Variants in SPAG16 observed in about 807,000 individuals in gnomAD.
SPAG16 encodes sperm-associated antigen 16 protein.
In SPAG16, 86 loss-of-function variants were observed where a neutral mutation model predicts 80.4. The observed-to-expected ratio is 1.07, with a 90% CI of 0.90 to 1.28. SPAG16 has a LOEUF of 1.28. SPAG16 is among the 50% of genes most tolerant of loss of function. The pLI, the probability that SPAG16 is intolerant of heterozygous loss-of-function variation, is 0.00. For synonymous variants in SPAG16, 294 were observed against 265.9 expected (o/e 1.11, Z -1.03); for missense variants, 870 against 765.3 (o/e 1.14, Z -1.61).
chr2:214,279,336 C>A (rs777725008), intron 15 of SPAG16, among the ~76,000 whole-genome samples: 11 of 152,100 alleles, frequency 7.2e-5, no homozygotes, highest in Non-Finnish European at 1.3e-4. Context: ...ACCTTGTGAT[C>A]CGCCCTCCTC....
chr2:214,281,880 T>C (rs1203983757), intron 15 of SPAG16, among the ~76,000 whole-genome samples: 1 of 152,204 alleles, frequency 6.6e-6, no homozygotes, highest in Non-Finnish European at 1.5e-5. Flanking sequence ...GAAATAATGA[T>C]ACTGAGTTTT....
At chr2:213,994,680 T>C (rs2046434681) in intron 12 of SPAG16, among the ~76,000 whole-genome samples, 1 of 152,012 alleles carries the variant, frequency 6.6e-6, no homozygotes. Flanking sequence ...TACATATTCA[T>C]GACTGCTTTG....
chr2:214,126,037 TC>T (rs2054471717), intron 14 of SPAG16, among the ~76,000 whole-genome samples: 1 of 48,454 alleles, frequency 2.1e-5, no homozygotes, highest in African/African-American at 8.9e-5. Flanking sequence ...CTTCCTTCCT[TC>T]CTTCCTTCCT....
intron 15 of SPAG16, among the ~76,000 whole-genome samples, chr2:214,155,217 C>T (rs549617568): frequency 3.3e-5 from 5 of 151,938 alleles, no homozygotes; most frequent in Non-Finnish European, 7.4e-5. Context: ...AGCCTGAGGC[C>T]AGAAAAAAAT....
At chr2:214,368,249 T>G (rs144456753) in intron 15 of SPAG16, among the ~76,000 whole-genome samples, 1 of 152,220 alleles carries the variant, frequency 6.6e-6, no homozygotes, top group East Asian at 1.9e-4. Flanking sequence ...CATGTTCTTC[T>G]TTACTCACAC....
At chr2:214,263,837 T>C (rs983451695) in intron 15 of SPAG16, among the ~76,000 whole-genome samples, 2 of 152,226 alleles carry the variant, frequency 1.3e-5, no homozygotes, top group African/African-American at 4.8e-5. Context: ...TATTTGTGTA[T>C]ACATCTTCCA....
intron 12 of SPAG16, among the ~76,000 whole-genome samples, chr2:213,978,685 G>A (rs887108006): frequency 1.3e-5 from 2 of 152,118 alleles, no homozygotes; most frequent in African/African-American, 4.8e-5. Flanking sequence ...GCTGAGCTAG[G>A]TGCTGCTGGC....
intron 10 of SPAG16, among the ~76,000 whole-genome samples, chr2:213,655,987 A>G (rs2063207664): frequency 6.6e-6 from 1 of 152,170 alleles, no homozygotes; most frequent in Admixed American, 6.5e-5. Flanking sequence ...TTTGAAACTA[A>G]ATGTAGTTAC....
chr2:214,216,172 A>T (rs187891540), intron 15 of SPAG16, among the ~76,000 whole-genome samples: 2 of 152,346 alleles, frequency 1.3e-5, no homozygotes, highest in Admixed American at 6.5e-5. Flanking sequence ...ATTGAAAATT[A>T]TGAGCATTGG....
At position 213,520,449 on chromosome 2, in the gene SPAG16, CT is replaced by C. The variant is rs1270314912; in HGVS notation, c.1070+30360del. ...AAAATACAAAAAAAAAAAAAATTCG[CT>C]GGGCGTGGTGGTGGGCACCTGTAGT... On this transcript the variant is annotated intron_variant, in intron 10 of 15. Coordinates refer to ENST00000331683, the MANE Select transcript of SPAG16 (RefSeq NM_024532.5). Among the ~76,000 whole-genome samples, 12 of 151,584 alleles carry C rather than the reference CT, an allele frequency of 7.9e-5. 1 individual carries two copies. Among genetic ancestry groups the C allele is most frequent in the Middle Eastern group, 6.3e-3 (2 of 316 alleles).
At chr2:214,186,021 C>T (rs2057458366) in intron 15 of SPAG16, among the ~76,000 whole-genome samples, 1 of 128,708 alleles carries the variant, frequency 7.8e-6, no homozygotes, top group Non-Finnish European at 1.6e-5. Context: ...TCATAAATAC[C>T]CAGCACTGTA....
chr2:213,529,082 A>T (rs1006110727), intron 10 of SPAG16, among the ~76,000 whole-genome samples: 4 of 152,144 alleles, frequency 2.6e-5, no homozygotes, highest in African/African-American at 9.7e-5. Context: ...GTAGGATTTA[A>T]TTTTTATTGA....
intron 10 of SPAG16, among the ~76,000 whole-genome samples, chr2:213,667,434 T>A (rs1045342361): frequency 6.6e-6 from 1 of 152,128 alleles, no homozygotes; most frequent in Non-Finnish European, 1.5e-5. Context: ...GGTTCCTCAA[T>A]TGTAAGATGA....
chr2:213,752,000 G>A (rs1399854593), intron 10 of SPAG16, among the ~76,000 whole-genome samples: 1 of 152,088 alleles, frequency 6.6e-6, no homozygotes, highest in East Asian at 1.9e-4. Context: ...AAAAGTAAAG[G>A]TGATACCTAT....
chr2:213,539,256 C>T (rs1396013063), intron 10 of SPAG16, among the ~76,000 whole-genome samples: 2 of 152,022 alleles, frequency 1.3e-5, no homozygotes, highest in Non-Finnish European at 2.9e-5. Flanking sequence ...GTAATAGCAG[C>T]GATGAGTAGT....
chr2:213,847,292 C>A lies in SPAG16; in HGVS notation c.1071-15193C>A, dbSNP rs545597373. On this transcript the variant is annotated intron_variant, in intron 10 of 15. Coordinates refer to ENST00000331683, the MANE Select transcript of SPAG16 (RefSeq NM_024532.5). ...TTATTGCACTGCTATGAAGAAATACCTGGGTATTTTATAAAGAAAAGAGGT... is the reference window on the plus strand; with the variant it reads ...TTATTGCACTGCTATGAAGAAATACATGGGTATTTTATAAAGAAAAGAGGT... Among the ~76,000 whole-genome samples the A allele has an allele frequency of 4.6e-5, 7 of 152,144 alleles. No individual in the cohort carries two copies. In the East Asian group the frequency reaches 1.4e-3, roughly 29 times the overall value.
At chr2:214,003,697 A>G (rs972931345) in intron 12 of SPAG16, among the ~76,000 whole-genome samples, 2 of 152,240 alleles carry the variant, frequency 1.3e-5, no homozygotes, top group Non-Finnish European at 2.9e-5. Flanking sequence ...TCATCAACCA[A>G]TCAATACCTG....
chr2:214,129,678 C>T (rs909548480), intron 14 of SPAG16, among the ~76,000 whole-genome samples: 3 of 152,070 alleles, frequency 2.0e-5, no homozygotes, highest in East Asian at 1.9e-4. Context: ...GAATTTCATG[C>T]GAAGGCTTAG....
At chr2:213,860,671 C>A (rs936950865) in intron 10 of SPAG16, among the ~76,000 whole-genome samples, 1 of 151,884 alleles carries the variant, frequency 6.6e-6, no homozygotes, top group Non-Finnish European at 1.5e-5. Flanking sequence ...ACTTCCAAAT[C>A]TGATTAGCTA....
Sources: allele counts gnomAD v4.1 joint callset (sites outside exome capture counted in the v4.1 genomes callset), GRCh38; gene constraint gnomAD v4.1.1; transcripts MANE v1.5; gene names NCBI Gene and HGNC (gene_info 2026-07-23, HGNC 2026-07-21).